Variants in SYT1 observed in about 807,000 individuals in gnomAD.
The protein encoded by SYT1 is synaptotagmin-1.
In SYT1, 8 loss-of-function variants were observed where a neutral mutation model predicts 44.8. The ratio of observed to expected loss-of-function variants is 0.18; its 90% confidence interval spans 0.10 to 0.32. The LOEUF is 0.32. SYT1 is among the 10% of genes least tolerant of loss of function. SYT1 has a pLI of 1.00. For missense variants in SYT1, 286 were observed against 509.3 expected (o/e 0.56, Z 4.22); for synonymous variants, 154 against 188.8 (o/e 0.82, Z 1.51).
At chr12:79,290,128 A>T (rs1351026958) in intron 5 of SYT1, among the ~76,000 whole-genome samples, 1 of 152,194 alleles carries the variant, frequency 6.6e-6, no homozygotes, top group East Asian at 1.9e-4. Flanking sequence ...GATGTATATC[A>T]TGATGGCAAT....
chr12:78,869,995 T>C (rs1038810529), intron 1 of SYT1, among the ~76,000 whole-genome samples: 5 of 152,032 alleles, frequency 3.3e-5, no homozygotes, highest in Admixed American at 2.6e-4. Flanking sequence ...CTCTAGAAAA[T>C]CATAAAGCAG....
intron 4 of SYT1, among the ~76,000 whole-genome samples, chr12:79,280,393 A>C (rs964729313): frequency 6.6e-6 from 1 of 152,126 alleles, no homozygotes; most frequent in Non-Finnish European, 1.5e-5. Context: ...GAGAACATAC[A>C]CTGGGGAATC....
chr12:79,039,413 T>C (rs998475732), intron 2 of SYT1, among the ~76,000 whole-genome samples: 3 of 151,978 alleles, frequency 2.0e-5, no homozygotes, highest in Non-Finnish European at 4.4e-5. Context: ...AAACATCAGA[T>C]AGATGATGGA....
intron 8 of SYT1, among the ~76,000 whole-genome samples, chr12:79,300,647 T>C (rs1298859048): frequency 6.6e-6 from 1 of 151,978 alleles, no homozygotes; most frequent in Admixed American, 6.6e-5. Context: ...CATTGCTGTT[T>C]GCTATTTGAT....
rs950027828 is a variant in SYT1, at chr12:78,882,515, C to T, written c.-217+17406C>T. 4.6e-5 allele frequency among the ~76,000 whole-genome samples: 7 copies of T among 151,600 alleles called. No individual in the cohort carries two copies. The East Asian group carries it at 9.7e-4, about 21-fold the overall frequency. ...TCTGAGAGTAAATATTCAGTTTTTT[C>T]ATATTATAGTAGTATGAATAATTTG... is the stretch of plus-strand genomic sequence containing the variant. On this transcript the variant is annotated intron_variant, in intron 1 of 10. Coordinates refer to ENST00000261205, the MANE Select transcript of SYT1 (RefSeq NM_005639.3).
chr12:79,393,357 C>T (rs187991592), intron 9 of SYT1: 1 of 152,288 alleles, frequency 6.6e-6, no homozygotes, highest in South Asian at 2.1e-4. Flanking sequence ...ATTTCTAGTT[C>T]TAGATCCTTG....
chr12:79,323,390 C>A (rs1292109518), intron 8 of SYT1, among the ~76,000 whole-genome samples: 4 of 152,122 alleles, frequency 2.6e-5, no homozygotes, highest in African/African-American at 9.7e-5. Flanking sequence ...CCCACAGGCA[C>A]AAACTCCCAA....
At chr12:79,418,408 TA>T (rs1168765239) in intron 9 of SYT1, among the ~76,000 whole-genome samples, 8 of 152,174 alleles carry the variant, frequency 5.3e-5, no homozygotes, top group African/African-American at 1.2e-4. Flanking sequence ...GGGTTTTGGT[TA>T]GGGGGAGGCT....
chr12:78,994,219 C>A (rs1156875101), intron 2 of SYT1, among the ~76,000 whole-genome samples: 1 of 152,164 alleles, frequency 6.6e-6, no homozygotes, highest in Admixed American at 6.5e-5. Flanking sequence ...TTAGCCTAGT[C>A]TTTCTGTGTC....
At chr12:79,038,279 T>C (rs1380963257) in intron 2 of SYT1, among the ~76,000 whole-genome samples, 3 of 151,412 alleles carry the variant, frequency 2.0e-5, no homozygotes, top group Admixed American at 6.6e-5. Context: ...ATCTTTAATA[T>C]AATGGTATTA....
chr12:79,135,073 A>T (rs1023553868), intron 3 of SYT1, among the ~76,000 whole-genome samples: 1 of 152,158 alleles, frequency 6.6e-6, no homozygotes, highest in Non-Finnish European at 1.5e-5. Flanking sequence ...GTGTACTAAA[A>T]TATCATGTTG....
At chr12:79,072,113 T>A (rs983393095) in intron 3 of SYT1, among the ~76,000 whole-genome samples, 5 of 152,166 alleles carry the variant, frequency 3.3e-5, no homozygotes, top group Non-Finnish European at 7.4e-5. Flanking sequence ...CATTGTTATC[T>A]GTAGAATTTC....
intron 8 of SYT1, among the ~76,000 whole-genome samples, chr12:79,333,694 A>G (rs747658670): frequency 2.0e-5 from 3 of 148,602 alleles, no homozygotes; most frequent in Non-Finnish European, 4.4e-5. Flanking sequence ...TTAAACTAGC[A>G]AGAAAAAAAA....
chr12:79,001,294 C>T (rs1320676588), intron 2 of SYT1, among the ~76,000 whole-genome samples: 1 of 150,786 alleles, frequency 6.6e-6, no homozygotes, highest in Non-Finnish European at 1.5e-5. Context: ...TCTAATGAAG[C>T]CACTGTCAGT....
chr12:79,006,732 A>G (rs1200594962), intron 2 of SYT1, among the ~76,000 whole-genome samples: 1 of 152,134 alleles, frequency 6.6e-6, no homozygotes, highest in African/African-American at 2.4e-5. Flanking sequence ...TTTGCGTAGT[A>G]AGTCTGATTG....
At chr12:79,037,655 G>A (rs1489642643) in intron 2 of SYT1, among the ~76,000 whole-genome samples, 1 of 151,632 alleles carries the variant, frequency 6.6e-6, no homozygotes, top group African/African-American at 2.4e-5. Flanking sequence ...TAAATATGAG[G>A]TACAATCTTT....
At chr12:79,241,813 A>T (rs904585535) in intron 4 of SYT1, among the ~76,000 whole-genome samples, 3 of 152,218 alleles carry the variant, frequency 2.0e-5, no homozygotes, top group African/African-American at 7.2e-5. Flanking sequence ...TTAGAAATAG[A>T]TCACTTTTTT....
intron 8 of SYT1, among the ~76,000 whole-genome samples, chr12:79,318,911 G>A (rs1020508801): frequency 2.0e-5 from 3 of 152,162 alleles, no homozygotes; most frequent in East Asian, 1.9e-4. Context: ...ATTTTATAAC[G>A]TATTTTTGGA....
intron 3 of SYT1, among the ~76,000 whole-genome samples, chr12:79,121,720 TTTC>T (rs1181429236): frequency 1.3e-5 from 2 of 152,174 alleles, no homozygotes; most frequent in African/African-American, 4.8e-5. Context: ...GACAGGAAAT[TTTC>T]TTATTAGATG....
Sources: allele counts gnomAD v4.1 joint callset (sites outside exome capture counted in the v4.1 genomes callset), GRCh38; gene constraint gnomAD v4.1.1; transcripts MANE v1.5; gene names NCBI Gene and HGNC (gene_info 2026-07-23, HGNC 2026-07-21).